STRN: variants seen among roughly 807,000 people sequenced by gnomAD.
STRN encodes the protein striatin.
In STRN, 53 loss-of-function variants were observed where a neutral mutation model predicts 96.3. The observed-to-expected ratio is 0.55, with a 90% CI of 0.44 to 0.69. STRN has a LOEUF of 0.69. STRN is among the 30% of genes least tolerant of loss of function. The probability of loss-of-function intolerance (pLI) is 0.00; values close to 1 mark genes in which losing one functional copy is unlikely to be tolerated. For synonymous variants in STRN, 428 were observed against 355.9 expected, an observed-to-expected ratio of 1.20 and a Z score of -2.28; for missense variants, 987 against 963.9, an observed-to-expected ratio of 1.02 and a Z score of -0.32.
intron 8 of STRN, among the ~76,000 whole-genome samples, chr2:36,885,548 CTT>C (rs1669197283): frequency 6.6e-6 from 1 of 152,092 alleles, no homozygotes; most frequent in East Asian, 1.9e-4. Context: ...TTTAATCTAT[CTT>C]GAGATAGCAT....
At chr2:36,856,895 A>G (rs1668354902) in intron 14 of STRN, among the ~76,000 whole-genome samples, 1 of 152,150 alleles carries the variant, frequency 6.6e-6, no homozygotes, top group Admixed American at 6.5e-5. Flanking sequence ...TGCTCCGGCC[A>G]TGTAAAACAT....
intron 1 of STRN, among the ~76,000 whole-genome samples, chr2:36,931,925 A>G (rs1670585513): frequency 6.6e-6 from 1 of 151,588 alleles, no homozygotes; most frequent in Non-Finnish European, 1.5e-5. Context: ...AACTCAATCA[A>G]TTCTCCCGCC....
chr2:36,869,478 A>T, intron 11 of STRN, 76 bp downstream of exon 11: 1 of 1,241,596 alleles, frequency 8.1e-7, no homozygotes, highest in East Asian at 2.9e-5. Context: ...ATTTAACAGA[A>T]ATCATAAAAT....
intron 16 of STRN, 119 bp downstream of exon 16, chr2:36,850,881 T>G (rs945990230): frequency 3.1e-6 from 2 of 636,968 alleles, no homozygotes; most frequent in Middle Eastern, 3.9e-4. Context: ...GGAGAGTATT[T>G]GGGGTTCAGT....
At chr2:36,865,077 A>G (rs1668588604) in intron 12 of STRN, among the ~76,000 whole-genome samples, 1 of 152,208 alleles carries the variant, frequency 6.6e-6, no homozygotes, top group Non-Finnish European at 1.5e-5. Flanking sequence ...TTTATGCGTT[A>G]GGTAGAATTC....
In STRN at chr2:36,961,041, C is replaced by T. The variant is rs115479880; in HGVS notation, c.234+5189G>A. On this transcript the variant is annotated intron_variant, in intron 1 of 17. Coordinates refer to ENST00000263918, the MANE Select transcript of STRN (RefSeq NM_003162.4). Reference sequence around the variant, plus strand: ...CCTCACGAGTAGCTGGGACCACAGACGCATGCCAACGCACCCAGCTAACTT... The same window carrying T: ...CCTCACGAGTAGCTGGGACCACAGATGCATGCCAACGCACCCAGCTAACTT... Among the ~76,000 whole-genome samples the T allele has an allele frequency of 5.7e-3, 850 of 150,076 alleles. 5 individuals carry two copies. The highest frequency in any genetic ancestry group is 0.014 in the Middle Eastern group (4 of 288).
intron 1 of STRN, among the ~76,000 whole-genome samples, chr2:36,930,984 G>C (rs79146409): frequency 0.012 from 1,878 of 151,714 alleles, 19 homozygotes; most frequent in Non-Finnish European, 0.02. Context: ...GGTGAGTCGA[G>C]ATCATGCCAC....
At chr2:36,877,591 A>G (rs1668946962) in intron 10 of STRN, among the ~76,000 whole-genome samples, 1 of 152,222 alleles carries the variant, frequency 6.6e-6, no homozygotes, top group Non-Finnish European at 1.5e-5. Context: ...GCTGGAGTGC[A>G]GTGGTGCGAT....
At chr2:36,859,298 A>G (rs1441315419) in intron 13 of STRN, among the ~76,000 whole-genome samples, 1 of 152,034 alleles carries the variant, frequency 6.6e-6, no homozygotes, top group Non-Finnish European at 1.5e-5. Context: ...GCAGACAAAA[A>G]GAGTGACAAA....
chr2:36,881,898 A>G (rs1669080450), intron 9 of STRN, among the ~76,000 whole-genome samples: 1 of 152,242 alleles, frequency 6.6e-6, no homozygotes, highest in Non-Finnish European at 1.5e-5. Context: ...GCAACTGATT[A>G]GAAGTCTCAT....
At chr2:36,879,667 A>T (rs912903456) in intron 9 of STRN, among the ~76,000 whole-genome samples, 1 of 152,210 alleles carries the variant, frequency 6.6e-6, no homozygotes, top group Non-Finnish European at 1.5e-5. Flanking sequence ...GTTACATATG[A>T]CAAACATTTG....
Position 36,966,218 on chromosome 2 carries a change from G to A in STRN, c.234+12C>T. 6.4e-7 allele frequency: 1 copy of A among 1,552,610 alleles called. No homozygotes were observed. Among genetic ancestry groups the A allele is most frequent in the Non-Finnish European group, 8.7e-7 (1 of 1,151,140 alleles). On this transcript the variant is annotated intron_variant, in intron 1 of 17. Coordinates refer to ENST00000263918, the MANE Select transcript of STRN (RefSeq NM_003162.4). ...GGCGGGATGAAGACGGCCAGGCCGGGAGGGTCTTTACCTGCAGCTCCGCCC... is the reference window on the plus strand; with the variant it reads ...GGCGGGATGAAGACGGCCAGGCCGGAAGGGTCTTTACCTGCAGCTCCGCCC...
At chr2:36,886,104 G>C (rs1294355656) in intron 8 of STRN, among the ~76,000 whole-genome samples, 1 of 152,042 alleles carries the variant, frequency 6.6e-6, no homozygotes, top group Admixed American at 6.5e-5. Flanking sequence ...TGTTTTTGAT[G>C]TGGCATACAT....
At chr2:36,930,649 C>G (rs1191302401) in intron 1 of STRN, among the ~76,000 whole-genome samples, 1 of 151,974 alleles carries the variant, frequency 6.6e-6, no homozygotes, top group African/African-American at 2.4e-5. Flanking sequence ...TGACTTAAAC[C>G]GTTTGTAACA....
intron 1 of STRN, among the ~76,000 whole-genome samples, chr2:36,959,956 T>C (rs996036950): frequency 2.0e-5 from 3 of 152,148 alleles, no homozygotes; most frequent in African/African-American, 4.8e-5. Flanking sequence ...TGAGAAACAC[T>C]GAACTGAAGA....
In STRN at chr2:36,929,070, A is replaced by G. The variant is rs913336561; in HGVS notation, c.235-3862T>C. 4.6e-5 allele frequency among the ~76,000 whole-genome samples: 7 copies of G among 152,154 alleles called. No individual in the cohort carries two copies. In the East Asian group the frequency reaches 5.8e-4, roughly 13 times the overall value. Reference sequence around the variant, plus strand: ...ATACTTCTGGAGAAGAAAACTTTGGAATTATCTTCAAGGAAAATGAATGTT... The same window carrying G: ...ATACTTCTGGAGAAGAAAACTTTGGGATTATCTTCAAGGAAAATGAATGTT... On this transcript the variant is annotated intron_variant, in intron 1 of 17. Transcript: ENST00000263918.
At chr2:36,903,282 G>GGT (rs1275733758) in intron 4 of STRN, among the ~76,000 whole-genome samples, 1 of 152,062 alleles carries the variant, frequency 6.6e-6, no homozygotes, top group Non-Finnish European at 1.5e-5. Context: ...GAATGTAGGG[G>GGT]GTGTGTGTAC....
At chr2:36,891,544 T>G (rs1178743783) in intron 7 of STRN, among the ~76,000 whole-genome samples, 1 of 151,782 alleles carries the variant, frequency 6.6e-6, no homozygotes, top group Non-Finnish European at 1.5e-5. Flanking sequence ...ATTCAACAAA[T>G]GCCCTTATTA....
chr2:36,940,228 AAAGT>A lies in STRN; in HGVS notation c.235-15024_235-15021del, dbSNP rs549751406. Among the ~76,000 whole-genome samples, 676 of 152,344 alleles carry A rather than the reference AAAGT, an allele frequency of 4.4e-3. 1 individual carries two copies. Among genetic ancestry groups the A allele is most frequent in the African/African-American group, 0.015 (633 of 41,580 alleles). ...TTTATATAAGATGTACTTCGAAGGA[AAAGT>A]AATAGAAGAAATATAAGAGAAATAA... On this transcript the variant is annotated intron_variant, in intron 1 of 17. Coordinates refer to ENST00000263918, the MANE Select transcript of STRN (RefSeq NM_003162.4).
Sources: allele counts gnomAD v4.1 joint callset (sites outside exome capture counted in the v4.1 genomes callset), GRCh38; gene constraint gnomAD v4.1.1; transcripts MANE v1.5; gene names NCBI Gene and HGNC (gene_info 2026-07-23, HGNC 2026-07-21).